The following TENM1 variants were observed in gnomAD, a reference collection of about 807,000 sequenced individuals.
TENM1 encodes teneurin-1.
In TENM1, 35 loss-of-function variants were observed where a neutral mutation model predicts 174.8. The observed-to-expected ratio is 0.20, with a 90% CI of 0.15 to 0.27. The LOEUF (loss-of-function observed/expected upper bound fraction) is 0.27, where lower values mean the gene tolerates loss of function less well. Among genes scored for constraint, TENM1 ranks in the 10% least tolerant of loss-of-function variants. The pLI is 1.00. For synonymous variants in TENM1, 781 were observed against 798.7 expected, an observed-to-expected ratio of 0.98 and a Z score of 0.37; for missense variants, 1,633 against 2,130.1, an observed-to-expected ratio of 0.77 and a Z score of 4.59.
At chrX:124,777,290 C>T (rs1051422727) in intron 3 of TENM1, among the ~76,000 whole-genome samples, 5 of 111,153 alleles carry the variant, frequency 4.5e-5, no homozygotes, top group Non-Finnish European at 5.7e-5. Context: ...TTGAAAAAAA[C>T]GCCACTTAGT....
chrX:124,553,247 A>G (rs752461795), intron 14 of TENM1, among the ~76,000 whole-genome samples: 1 of 46,872 alleles, frequency 2.1e-5, no homozygotes, highest in East Asian at 8.3e-4. Context: ...CTGTAATCTC[A>G]GCACTTTGGG....
At chrX:124,665,761 G>A (rs780986229) in intron 6 of TENM1, among the ~76,000 whole-genome samples, 9 of 112,207 alleles carry the variant, frequency 8.0e-5, no homozygotes, top group Non-Finnish European at 1.7e-4. Flanking sequence ...AGAATAGAGG[G>A]CAAATAAAGC....
At chrX:124,389,627 C>T (rs1363782674) in intron 28 of TENM1, among the ~76,000 whole-genome samples, 1 of 111,046 alleles carries the variant, frequency 9.0e-6, no homozygotes, top group African/African-American at 3.3e-5. Flanking sequence ...GCCTCCCTCC[C>T]TTCCTTCCTT....
At chrX:125,108,720 T>TTA in the TENM1 span, among the ~76,000 whole-genome samples, 89 of 97,019 alleles carry the variant, frequency 9.2e-4, no homozygotes, top group East Asian at 2.5e-3. Context: ...TTAAAAATGA[T>TTA]TATATATATA....
At chrX:124,471,699 A>G (rs1207396130) in intron 22 of TENM1, among the ~76,000 whole-genome samples, 2 of 88,871 alleles carry the variant, frequency 2.3e-5, no homozygotes, top group African/African-American at 8.4e-5. Flanking sequence ...AATATATAAT[A>G]TAGAATAATA....
chrX:125,147,731 C>T, the TENM1 span, among the ~76,000 whole-genome samples: 1 of 111,423 alleles, frequency 9.0e-6, no homozygotes, highest in Non-Finnish European at 1.9e-5. Context: ...AATCCTGCAT[C>T]CATCCCTGCT....
chrX:124,853,066 G>A (rs1302753911), intron 3 of TENM1, among the ~76,000 whole-genome samples: 2 of 111,732 alleles, frequency 1.8e-5, no homozygotes, highest in African/African-American at 3.2e-5. Flanking sequence ...GTCAAACTTC[G>A]TTTTAGTTGA....
intron 1 of TENM1, among the ~76,000 whole-genome samples, chrX:124,912,475 GGAGA>G (rs1354000676): frequency 9.0e-6 from 1 of 110,796 alleles, no homozygotes; most frequent in African/African-American, 3.3e-5. Context: ...AAAGGGTTGG[GGAGA>G]GAGTTTTATT....
chrX:124,805,303 C>A (rs1459107905), intron 3 of TENM1, among the ~76,000 whole-genome samples: 2 of 111,411 alleles, frequency 1.8e-5, no homozygotes, highest in Non-Finnish European at 1.9e-5. Flanking sequence ...GCTGCAATAG[C>A]AAATACGTTG....
the TENM1 span, among the ~76,000 whole-genome samples, chrX:125,030,773 T>C: frequency 3.6e-5 from 4 of 111,895 alleles, no homozygotes; most frequent in Non-Finnish European, 7.5e-5. Context: ...ACAATGTTTC[T>C]TGCTGTTAAG....
At chrX:124,810,601 C>T (rs181541217) in intron 3 of TENM1, among the ~76,000 whole-genome samples, 2 of 111,650 alleles carry the variant, frequency 1.8e-5, no homozygotes, top group African/African-American at 6.5e-5. Flanking sequence ...AGACTTAATA[C>T]TTTAAAATGT....
At chrX:124,869,549 A>G (rs2057070342) in intron 3 of TENM1, among the ~76,000 whole-genome samples, 1 of 111,646 alleles carries the variant, frequency 9.0e-6, no homozygotes, top group Non-Finnish European at 1.9e-5. Flanking sequence ...AGTGTTTACA[A>G]TAGGTAAAAT....
At chrX:124,546,782 A>G in intron 15 of TENM1, 92 bp downstream of exon 18, 2 of 750,374 alleles carry the variant, frequency 2.7e-6, no homozygotes, top group Admixed American at 5.1e-5. Context: ...GTGGAATGGG[A>G]AGTAACCTGA....
intron 16 of TENM1, among the ~76,000 whole-genome samples, chrX:124,525,993 A>T (rs1294457555): frequency 8.9e-6 from 1 of 111,773 alleles, no homozygotes; most frequent in East Asian, 2.8e-4. Context: ...GATTATCTCC[A>T]TGAGCAGATA....
the TENM1 span, among the ~76,000 whole-genome samples, chrX:125,089,706 G>A: frequency 1.8e-5 from 2 of 111,640 alleles, no homozygotes; most frequent in South Asian, 7.6e-4. Flanking sequence ...GACTAAGAAT[G>A]GCAGTAGTTG....
chrX:125,070,322 A>G, the TENM1 span, among the ~76,000 whole-genome samples: 2 of 111,398 alleles, frequency 1.8e-5, no homozygotes, highest in Admixed American at 9.6e-5. Context: ...GGCCACTTGC[A>G]TGTTTTCTTT....
chrX:124,989,783 T>C, the TENM1 span, among the ~76,000 whole-genome samples: 103 of 111,144 alleles, frequency 9.3e-4, no homozygotes, highest in Admixed American at 1.7e-3. Context: ...ATATGAGATA[T>C]ATTTATTTAT....
At chrX:124,751,951 T>TA (rs1200576833) in intron 3 of TENM1, among the ~76,000 whole-genome samples, 1 of 110,762 alleles carries the variant, frequency 9.0e-6, no homozygotes, top group East Asian at 2.9e-4. Context: ...GCAATAAACA[T>TA]ACGTGTGCAT....
the TENM1 span, among the ~76,000 whole-genome samples, chrX:124,996,549 CCACACACACACACA>C: frequency 1.0e-5 from 1 of 96,147 alleles, no homozygotes; most frequent in Non-Finnish European, 2.1e-5. Flanking sequence ...AAAAAAAAAA[CCACACACACACACA>C]CACACACACA....
Sources: gnomAD v4.1 joint callset for allele counts (sites outside exome capture counted in the v4.1 genomes callset) on GRCh38, gnomAD v4.1.1 for gene constraint, MANE v1.5 for transcripts, NCBI Gene and HGNC (gene_info 2026-07-23, HGNC 2026-07-21) for gene names.